Variants in NFIA observed in about 807,000 individuals in gnomAD.
NFIA encodes the protein nuclear factor I A, also known as nuclear factor 1 A-type.
A neutral mutation model predicts 62.8 loss-of-function variants in NFIA; 8 were observed. The observed-to-expected ratio is 0.13, with a 90% CI of 0.07 to 0.23. The LOEUF (loss-of-function observed/expected upper bound fraction) is 0.23, where lower values mean the gene tolerates loss of function less well. Among genes scored for constraint, NFIA ranks in the 10% least tolerant of loss-of-function variants. The pLI is 1.00. For missense variants in NFIA, 410 were observed against 642.1 expected, an observed-to-expected ratio of 0.64 and a Z score of 3.91; for synonymous variants, 235 against 238.1, an observed-to-expected ratio of 0.99 and a Z score of 0.12.
intron 2 of NFIA, among the ~76,000 whole-genome samples, chr1:61,137,019 G>A (rs1270518529): frequency 6.6e-6 from 1 of 152,170 alleles, no homozygotes; most frequent in Non-Finnish European, 1.5e-5. Flanking sequence ...GTTAAGAGTG[G>A]TTTCAAGCAA....
At chr1:61,157,793 GA>G (rs1448631026) in intron 2 of NFIA, among the ~76,000 whole-genome samples, 1 of 152,176 alleles carries the variant, frequency 6.6e-6, no homozygotes, top group East Asian at 1.9e-4. Context: ...GCTTGGCGTA[GA>G]AGCCATAGGA....
intron 6 of NFIA, among the ~76,000 whole-genome samples, chr1:61,372,526 T>C (rs920810894): frequency 2.0e-5 from 3 of 151,850 alleles, no homozygotes; most frequent in Non-Finnish European, 4.4e-5. Flanking sequence ...CATTAATCAT[T>C]AGAAGTGCAA....
chr1:61,351,342 C>G (rs1662539491), intron 4 of NFIA, among the ~76,000 whole-genome samples: 1 of 152,176 alleles, frequency 6.6e-6, no homozygotes, highest in Admixed American at 6.5e-5. Flanking sequence ...GTAGCAGGCT[C>G]TCAGTAAGCA....
chr1:61,337,254 T>C (rs1661660713), intron 4 of NFIA, among the ~76,000 whole-genome samples: 1 of 152,146 alleles, frequency 6.6e-6, no homozygotes, highest in Non-Finnish European at 1.5e-5. Context: ...GGACTCCTGC[T>C]GGCCAACTGA....
chr1:61,461,973 A>ATT lies in NFIA; in HGVS notation c.*6658_*6659dup. On this transcript the variant is annotated 3_prime_UTR_variant, in exon 11 of 11. Transcript: ENST00000403491. ...CCTTTGACTTATTTGTGTTGTTCTT[A>ATT]TTTTTTAAATTTTTATTTTTTGATA... 1 of 74,494 alleles carries ATT rather than the reference A, an allele frequency of 1.3e-5. No individual in the cohort carries two copies. The highest frequency in any genetic ancestry group is 2.9e-5 in the Non-Finnish European group (1 of 34,974). The allele number at this position is 74,494 out of a possible 1,614,324, so 4.6% of individuals were successfully genotyped here.
intron 4 of NFIA, among the ~76,000 whole-genome samples, chr1:61,344,520 T>C (rs1444999796): frequency 6.6e-6 from 1 of 152,244 alleles, no homozygotes; most frequent in Non-Finnish European, 1.5e-5. Context: ...ATTGCCATTC[T>C]TTCATATTCC....
chr1:61,225,553 C>CTTTT (rs71244590), intron 2 of NFIA, among the ~76,000 whole-genome samples: 1 of 122,590 alleles, frequency 8.2e-6, no homozygotes. Flanking sequence ...CCAGCTCGTA[C>CTTTT]TTTTTTTTTT....
intron 7 of NFIA, among the ~76,000 whole-genome samples, chr1:61,384,141 C>T (rs937032334): frequency 6.6e-6 from 1 of 152,086 alleles, no homozygotes; most frequent in African/African-American, 2.4e-5. Context: ...TAATTGTAGC[C>T]ATGTTTGCTT....
At chr1:61,296,015 T>G (rs1659171543) in intron 3 of NFIA, among the ~76,000 whole-genome samples, 1 of 152,240 alleles carries the variant, frequency 6.6e-6, no homozygotes, top group Non-Finnish European at 1.5e-5. Context: ...AGCACACCAG[T>G]GCACCCCCAT....
chr1:61,351,771 T>C (rs1487861243), intron 4 of NFIA, among the ~76,000 whole-genome samples: 5 of 152,230 alleles, frequency 3.3e-5, no homozygotes, highest in African/African-American at 1.2e-4. Context: ...TATGTTAGGC[T>C]TTGTGGGCCA....
intron 2 of NFIA, among the ~76,000 whole-genome samples, chr1:61,207,534 G>A (rs555219122): frequency 6.6e-6 from 1 of 152,098 alleles, no homozygotes; most frequent in Admixed American, 6.5e-5. Context: ...GGATACTCAC[G>A]AGACATCTAG....
chr1:61,276,010 A>G (rs543599547), intron 2 of NFIA, among the ~76,000 whole-genome samples: 1 of 152,050 alleles, frequency 6.6e-6, no homozygotes, highest in South Asian at 2.1e-4. Context: ...GGTTTTTGGC[A>G]TATAATAATA....
intron 3 of NFIA, among the ~76,000 whole-genome samples, chr1:61,327,893 C>T (rs146010190): frequency 6.6e-6 from 1 of 152,050 alleles, no homozygotes; most frequent in Non-Finnish European, 1.5e-5. Flanking sequence ...TAAGCATACC[C>T]TTTTCACCAC....
intron 2 of NFIA, among the ~76,000 whole-genome samples, chr1:61,183,830 A>G (rs999673999): frequency 5.3e-5 from 8 of 152,040 alleles, no homozygotes; most frequent in South Asian, 2.1e-4. Context: ...CCACCGTGAC[A>G]TGGTAAAGTG....
chr1:61,166,034 A>T (rs1399718661), intron 2 of NFIA, among the ~76,000 whole-genome samples: 4 of 152,246 alleles, frequency 2.6e-5, no homozygotes, highest in African/African-American at 7.2e-5. Flanking sequence ...TATGAGAACC[A>T]GTCTGCTATT....
chr1:61,079,549 A>C (rs1244335380), upstream of NFIA, among the ~76,000 whole-genome samples: 1 of 152,216 alleles, frequency 6.6e-6, no homozygotes, highest in Non-Finnish European at 1.5e-5. Flanking sequence ...GCGCAGAGAC[A>C]ATCCCATTTC....
intron 10 of NFIA, among the ~76,000 whole-genome samples, chr1:61,432,612 C>T (rs765674976): frequency 6.9e-5 from 5 of 72,772 alleles, no homozygotes; most frequent in African/African-American, 1.3e-4. Flanking sequence ...TATATATATA[C>T]ACACACACAC....
chr1:61,168,183 C>T (rs1649711564), intron 2 of NFIA, among the ~76,000 whole-genome samples: 1 of 152,060 alleles, frequency 6.6e-6, no homozygotes. Flanking sequence ...GGAATTAACC[C>T]ATACAGATAT....
chr1:61,260,756 A>G (rs959715701), intron 2 of NFIA, among the ~76,000 whole-genome samples: 12 of 151,872 alleles, frequency 7.9e-5, no homozygotes, highest in African/African-American at 2.9e-4. Context: ...AATTTTTTGT[A>G]TTTTTAGTAG....
Sources: gnomAD v4.1 joint callset for allele counts (sites outside exome capture counted in the v4.1 genomes callset) on GRCh38, gnomAD v4.1.1 for gene constraint, MANE v1.5 for transcripts, NCBI Gene and HGNC (gene_info 2026-07-23, HGNC 2026-07-21) for gene names.